CNTN5: variants seen among roughly 807,000 people sequenced by gnomAD.
CNTN5 encodes contactin-5.
CNTN5 carries 77 observed loss-of-function variants against 129.1 expected under a neutral mutation model. The ratio of observed to expected loss-of-function variants is 0.60; its 90% CI spans 0.50 to 0.72. The LOEUF (loss-of-function observed/expected upper bound fraction) is 0.72, where lower values mean the gene tolerates loss of function less well. CNTN5 is among the 30% of genes least tolerant of loss of function. The probability of loss-of-function intolerance (pLI) is 0.00; values close to 1 mark genes in which losing one functional copy is unlikely to be tolerated. For synonymous variants in CNTN5, 509 were observed against 465.6 expected (o/e 1.09, Z -1.20); for missense variants, 1,478 against 1,328.8 (o/e 1.11, Z -1.75).
intron 1 of CNTN5, among the ~76,000 whole-genome samples, chr11:99,050,362 C>T (rs753956060): frequency 3.0e-4 from 45 of 151,864 alleles, no homozygotes; most frequent in Admixed American, 1.3e-4. Context: ...AAATTTATAA[C>T]TGGTTTATCA....
intron 3 of CNTN5, among the ~76,000 whole-genome samples, chr11:99,800,272 C>A (rs570580035): frequency 3.9e-5 from 6 of 151,966 alleles, no homozygotes; most frequent in Non-Finnish European, 8.8e-5. Flanking sequence ...GAGAGGACTT[C>A]TTGGTATTGA....
intron 9 of CNTN5, among the ~76,000 whole-genome samples, chr11:100,021,574 C>T (rs1941150022): frequency 6.6e-6 from 1 of 152,110 alleles, no homozygotes; most frequent in African/African-American, 2.4e-5. Flanking sequence ...CCTGTTTATA[C>T]ATGATAATAT....
At chr11:99,534,159 A>C (rs1053088480) in intron 2 of CNTN5, among the ~76,000 whole-genome samples, 1 of 152,240 alleles carries the variant, frequency 6.6e-6, no homozygotes, top group Non-Finnish European at 1.5e-5. Flanking sequence ...CCATTAAATG[A>C]GATGTTGCAA....
intron 21 of CNTN5, among the ~76,000 whole-genome samples, chr11:100,332,161 T>C (rs1375378318): frequency 2.0e-5 from 3 of 152,024 alleles, no homozygotes; most frequent in African/African-American, 7.2e-5. Flanking sequence ...ATATTACAAC[T>C]GATACCACAG....
At chr11:99,162,246 G>T (rs1016894719) in intron 1 of CNTN5, among the ~76,000 whole-genome samples, 1 of 151,434 alleles carries the variant, frequency 6.6e-6, no homozygotes, top group Admixed American at 6.6e-5. Context: ...ACACCAGGAA[G>T]AGAAAGTTGG....
At chr11:99,940,873 TGCAAAACTGTACAAGGAA>T (rs1312283245) in intron 7 of CNTN5, among the ~76,000 whole-genome samples, 1 of 151,644 alleles carries the variant, frequency 6.6e-6, no homozygotes, top group East Asian at 1.9e-4. Context: ...TTAAAAGTAA[TGCAAAACTGTACAAGGAA>T]GCAAAATCTC....
chr11:99,466,170 C>T (rs530282277), intron 2 of CNTN5, among the ~76,000 whole-genome samples: 13 of 152,290 alleles, frequency 8.5e-5, no homozygotes, highest in African/African-American at 3.1e-4. Flanking sequence ...GCTTGAGCCA[C>T]TGTGCCCGGC....
At chr11:99,259,617 A>G (rs984016611) in intron 1 of CNTN5, among the ~76,000 whole-genome samples, 5 of 151,792 alleles carry the variant, frequency 3.3e-5, no homozygotes, top group Non-Finnish European at 5.9e-5. Context: ...TGGATGGGAT[A>G]TATTCTGAGG....
intron 13 of CNTN5, among the ~76,000 whole-genome samples, chr11:100,085,162 C>T (rs7947346): frequency 0.4 from 60,262 of 151,712 alleles, 12,844 homozygotes; most frequent in African/African-American, 0.56. Flanking sequence ...GGGTGTGGCG[C>T]TAACTTCCGG....
intron 3 of CNTN5, among the ~76,000 whole-genome samples, chr11:99,698,104 G>T (rs1954352974): frequency 1.3e-5 from 2 of 148,168 alleles, no homozygotes; most frequent in Non-Finnish European, 1.5e-5. Context: ...TTTTTACTAC[G>T]TATTTCCTAT....
At chr11:99,734,900 A>G (rs1591061232) in intron 3 of CNTN5, among the ~76,000 whole-genome samples, 1 of 152,132 alleles carries the variant, frequency 6.6e-6, no homozygotes, top group South Asian at 2.1e-4. Context: ...CCCAGCTACT[A>G]GGGAGGCTGA....
intron 1 of CNTN5, among the ~76,000 whole-genome samples, chr11:99,107,069 G>C (rs1867031002): frequency 6.6e-6 from 1 of 152,092 alleles, no homozygotes; most frequent in African/African-American, 2.4e-5. Context: ...TCAAACAAGT[G>C]ATAGCTGTAA....
intron 21 of CNTN5, among the ~76,000 whole-genome samples, chr11:100,321,034 A>G (rs565677457): frequency 6.6e-6 from 1 of 152,170 alleles, no homozygotes; most frequent in East Asian, 1.9e-4. Flanking sequence ...TGCTTTGGCT[A>G]TTTGGGGACT....
At chr11:99,766,669 A>C (rs1944766685) in intron 3 of CNTN5, among the ~76,000 whole-genome samples, 1 of 152,020 alleles carries the variant, frequency 6.6e-6, no homozygotes, top group Admixed American at 6.6e-5. Flanking sequence ...CGCTGCTGTT[A>C]ACTTATTTTT....
At chr11:100,032,653 T>C (rs370340748) in intron 9 of CNTN5, among the ~76,000 whole-genome samples, 1 of 152,154 alleles carries the variant, frequency 6.6e-6, no homozygotes, top group African/African-American at 2.4e-5. Flanking sequence ...TCGTTGATGA[T>C]ATTTATTTGC....
chr11:100,321,665 G>A (rs984653318), intron 21 of CNTN5, among the ~76,000 whole-genome samples: 1 of 152,066 alleles, frequency 6.6e-6, no homozygotes, highest in Non-Finnish European at 1.5e-5. Context: ...TCCCTGTTTA[G>A]AATGATGTTA....
intron 6 of CNTN5, among the ~76,000 whole-genome samples, chr11:99,870,651 A>G (rs1014633805): frequency 3.3e-5 from 5 of 152,168 alleles, no homozygotes; most frequent in African/African-American, 7.2e-5. Flanking sequence ...TTAAATTTAC[A>G]TTTAAAATAG....
chr11:99,309,612 C>T (rs892098331), intron 1 of CNTN5, among the ~76,000 whole-genome samples: 6 of 152,240 alleles, frequency 3.9e-5, no homozygotes, highest in South Asian at 2.1e-4. Context: ...ATCCACATTC[C>T]GTCTTTGATA....
intron 2 of CNTN5, among the ~76,000 whole-genome samples, chr11:99,375,555 T>G (rs1209134544): frequency 6.6e-6 from 1 of 152,156 alleles, no homozygotes; most frequent in East Asian, 1.9e-4. Flanking sequence ...TCTATTGTTT[T>G]GCAACAAATA....
Sources: allele counts gnomAD v4.1 joint callset (sites outside exome capture counted in the v4.1 genomes callset), GRCh38; gene constraint gnomAD v4.1.1; transcripts MANE v1.5; gene names NCBI Gene and HGNC (gene_info 2026-07-23, HGNC 2026-07-21).